VRK2: variants seen among roughly 807,000 people sequenced by gnomAD.
The protein encoded by VRK2 is serine/threonine-protein kinase VRK2.
A neutral mutation model predicts 57.6 loss-of-function variants in VRK2; 60 were observed. That is an observed-to-expected ratio of 1.04 (90% confidence interval 0.85 to 1.29). The LOEUF (loss-of-function observed/expected upper bound fraction) is 1.29, where lower values mean the gene tolerates loss of function less well. Ranked by LOEUF, VRK2 falls within the 50% of genes most tolerant of loss-of-function variation. VRK2 has a pLI of 0.00. For missense variants in VRK2, 705 were observed against 588.1 expected (o/e 1.20, Z -2.06); for synonymous variants, 231 against 199.2 (o/e 1.16, Z -1.35).
chr2:58,120,742 A>G (rs1459605944), intron 7 of VRK2, among the ~76,000 whole-genome samples: 4 of 152,214 alleles, frequency 2.6e-5, no homozygotes, highest in African/African-American at 7.2e-5. Flanking sequence ...TCTATCAGCC[A>G]CCTGCCAGTT....
At chr2:57,948,149 C>T (rs1383141449) in intron 1 of VRK2, among the ~76,000 whole-genome samples, 1 of 152,192 alleles carries the variant, frequency 6.6e-6, no homozygotes, top group Non-Finnish European at 1.5e-5. Context: ...TCTTTTTAAA[C>T]TGACCAAGCT....
At chr2:58,044,928 G>A (rs1189886384), upstream of VRK2, among the ~76,000 whole-genome samples, 1 of 152,114 alleles carries the variant, frequency 6.6e-6, no homozygotes, top group Non-Finnish European at 1.5e-5. Context: ...GAGGAGACCA[G>A]GGATACTGCT....
At position 58,080,755 on chromosome 2, in the gene VRK2, CTT is replaced by C. The variant is rs1670748550; in HGVS notation, c.137-3333_137-3332del. Among the ~76,000 whole-genome samples the C allele has an allele frequency of 2.6e-5, 4 of 151,834 alleles. No homozygotes were observed. The South Asian group carries it at 8.3e-4, about 32-fold the overall frequency. On this transcript the variant is annotated intron_variant, in intron 2 of 12. Transcript: ENST00000340157. The stretch of plus-strand genomic sequence containing the variant: ...GCATCACTAGATTCTAGGTTTGTCT[CTT>C]ATAAATACATTTATATTTTTAGCAG...
chr2:58,031,507 G>C (rs950718348), intron 2 of VRK2, among the ~76,000 whole-genome samples: 14 of 152,004 alleles, frequency 9.2e-5, no homozygotes, highest in African/African-American at 2.7e-4. Context: ...CTGAAGTTGA[G>C]AGTTAAAATA....
At chr2:58,151,728 CTTGTTTTTTTTTTTTTTTTTTTTT>C (rs1683065288) in intron 12 of VRK2, among the ~76,000 whole-genome samples, 1 of 6,480 alleles carries the variant, frequency 1.5e-4, no homozygotes, top group African/African-American at 5.1e-4. Flanking sequence ...TGCTTCTATG[CTTGTTTTTTTTTTTTTTTTTTTTT>C]TTTTTTTTTT....
chr2:57,943,825 C>T (rs540430635), intron 1 of VRK2, among the ~76,000 whole-genome samples: 2 of 152,268 alleles, frequency 1.3e-5, no homozygotes, highest in African/African-American at 4.8e-5. Context: ...TTCTCTGAAA[C>T]AGAGGTCAGC....
At chr2:58,135,824 C>A (rs1009780456) in intron 10 of VRK2, among the ~76,000 whole-genome samples, 2 of 152,132 alleles carry the variant, frequency 1.3e-5, no homozygotes, top group Admixed American at 6.5e-5. Context: ...ACCCACATTC[C>A]TGTCATTTTA....
At chr2:58,132,030 C>T in intron 9 of VRK2, 102 bp downstream of exon 9, 1 of 1,397,794 alleles carries the variant, frequency 7.2e-7, no homozygotes, top group Non-Finnish European at 9.6e-7. Context: ...CCCAACATGA[C>T]AACCAAAGCA....
At chr2:58,155,758 T>TC (rs1179191933) in intron 12 of VRK2, among the ~76,000 whole-genome samples, 1 of 27,232 alleles carries the variant, frequency 3.7e-5, no homozygotes, top group Non-Finnish European at 7.8e-5. Flanking sequence ...GCCCCCACCA[T>TC]CCCCCCCACC....
intron 1 of VRK2, chr2:58,047,599 T>A: frequency 2.7e-6 from 1 of 365,116 alleles, no homozygotes; most frequent in Non-Finnish European, 3.8e-6. Flanking sequence ...TTGGAGACTT[T>A]AAGTTTTAAA....
chr2:57,995,584 G>A (rs1006329567), intron 1 of VRK2, among the ~76,000 whole-genome samples: 7 of 152,130 alleles, frequency 4.6e-5, no homozygotes, highest in African/African-American at 9.7e-5. Flanking sequence ...GAAAAAAGAT[G>A]TCTAGTTCAG....
chr2:58,129,462 A>G (rs1291221879), intron 8 of VRK2, among the ~76,000 whole-genome samples: 2 of 152,174 alleles, frequency 1.3e-5, no homozygotes, highest in Admixed American at 6.5e-5. Flanking sequence ...GCTTCACTTA[A>G]TATGTTTTAA....
At chr2:58,149,590 T>C (rs1682688560) in intron 12 of VRK2, among the ~76,000 whole-genome samples, 1 of 151,620 alleles carries the variant, frequency 6.6e-6, no homozygotes, top group Non-Finnish European at 1.5e-5. Context: ...ATAGAAGTTG[T>C]GACAGTGGCC....
intron 11 of VRK2, among the ~76,000 whole-genome samples, chr2:58,141,968 C>T (rs1207860008): frequency 6.6e-6 from 1 of 151,860 alleles, no homozygotes; most frequent in Non-Finnish European, 1.5e-5. Flanking sequence ...TTTCTTGTTA[C>T]TTTATAAATG....
intron 7 of VRK2, among the ~76,000 whole-genome samples, chr2:58,101,703 C>T (rs986668748): frequency 3.3e-5 from 5 of 151,616 alleles, no homozygotes; most frequent in African/African-American, 1.2e-4. Flanking sequence ...GTCTGACTCA[C>T]TGGGTAGAAC....
chr2:57,993,771 T>C (rs984657251), intron 1 of VRK2, among the ~76,000 whole-genome samples: 5 of 152,222 alleles, frequency 3.3e-5, no homozygotes, highest in Non-Finnish European at 4.4e-5. Context: ...TTCATCCTTA[T>C]GGCACTAGCA....
At chr2:57,952,662 G>C (rs1357692709) in intron 1 of VRK2, among the ~76,000 whole-genome samples, 2 of 151,438 alleles carry the variant, frequency 1.3e-5, no homozygotes, top group East Asian at 3.9e-4. Context: ...AGTATTCTCG[G>C]ATACATGATC....
chr2:58,058,591 G>A (rs1005062109), intron 2 of VRK2: 2 of 275,362 alleles, frequency 7.3e-6, no homozygotes, highest in Admixed American at 4.7e-5. Context: ...AAGAATGAAA[G>A]AAGAGTCTGG....
chr2:58,120,092 G>C (rs955313836), intron 7 of VRK2, among the ~76,000 whole-genome samples: 6 of 151,524 alleles, frequency 4.0e-5, no homozygotes, highest in African/African-American at 1.2e-4. Flanking sequence ...AATGTTTTTA[G>C]GTCTGAAATA....
Sources: gnomAD v4.1 joint callset for allele counts (sites outside exome capture counted in the v4.1 genomes callset) on GRCh38, gnomAD v4.1.1 for gene constraint, MANE v1.5 for transcripts, NCBI Gene and HGNC (gene_info 2026-07-23, HGNC 2026-07-21) for gene names.